Variants in SCARB2 observed in about 807,000 individuals in gnomAD.
SCARB2 encodes the protein lysosome membrane protein 2.
A neutral mutation model predicts 58.6 loss-of-function variants in SCARB2; 29 were observed. That is an observed-to-expected ratio of 0.49 (90% CI 0.37 to 0.67). The LOEUF is 0.67. Among genes scored for constraint, SCARB2 ranks in the 30% least tolerant of loss-of-function variants. SCARB2 has a pLI of 0.00. For missense variants in SCARB2, 488 were observed against 578.5 expected (o/e 0.84, Z 1.60); for synonymous variants, 195 against 210.1 (o/e 0.93, Z 0.62).
intron 2 of SCARB2, chr4:76,194,998 A>C (rs953523065): frequency 1.2e-4 from 19 of 152,118 alleles, no homozygotes; most frequent in African/African-American, 4.6e-4. Context: ...TCTCAGACAA[A>C]AGTAAATTCT....
At chr4:76,180,924 C>A in intron 3 of SCARB2, 30 bp downstream of exon 3, 2 of 1,585,896 alleles carry the variant, frequency 1.3e-6, no homozygotes, top group South Asian at 1.1e-5. Flanking sequence ...TTCCAAAATC[C>A]AACTTAATGG....
At chr4:76,221,793 AC>A (rs1468868931) in intron 1 of SCARB2, among the ~76,000 whole-genome samples, 3 of 152,232 alleles carry the variant, frequency 2.0e-5, no homozygotes, top group Non-Finnish European at 2.9e-5. Flanking sequence ...TTGAAAACCT[AC>A]CTATTGGGTA....
rs1233094134 is a variant in SCARB2, at chr4:76,163,239, CCT to C, written c.1382_1383del (p.Gln461ArgfsTer5). ...CCAGTTCTCACCTCATCCATGGATC[CCT>C]GTCCTTTGCATGCAAGCCAGGTAAA... ...LVFTWLACKG[Q>X]GSMDEGTADE... is the part of the protein sequence containing the mutation. On this transcript the variant is annotated frameshift_variant, in exon 11 of 12. Transcript: ENST00000264896. LOFTEE classifies it high-confidence loss of function. The C allele has an allele frequency of 3.7e-6, 6 of 1,614,148 alleles. No homozygotes were observed. The highest frequency in any genetic ancestry group is 1.3e-5 in the African/African-American group (1 of 75,036).
In SCARB2 at chr4:76,161,255, CT is replaced by C; in HGVS notation, c.*457del. 5.9e-6 allele frequency: 1 copy of C among 170,272 alleles called. No homozygotes were observed. Among genetic ancestry groups the C allele is most frequent in the South Asian group, 1.4e-4 (1 of 7,360 alleles). The allele number at this position is 170,272 out of a possible 1,614,324, so 10.5% of individuals were successfully genotyped here. On this transcript the variant is annotated 3_prime_UTR_variant, in exon 12 of 12. Coordinates refer to ENST00000264896, the MANE Select transcript of SCARB2 (RefSeq NM_005506.4). ...ACCATTTTACCCTGGGTCCCGAACT[CT>C]TATTTACTTCTGTTTTGCAAGTGAA...
intron 8 of SCARB2, among the ~76,000 whole-genome samples, chr4:76,169,341 C>CACACACACACACACACACACAT (rs3217498): frequency 1.5e-4 from 22 of 151,240 alleles, no homozygotes; most frequent in African/African-American, 5.1e-4. Context: ...CACACACACA[C>CACACACACACACACACACACAT]GTGTGTATGT....
intron 7 of SCARB2, among the ~76,000 whole-genome samples, chr4:76,171,264 AGGGCTT>A (rs1732124102): frequency 6.6e-6 from 1 of 152,118 alleles, no homozygotes; most frequent in Admixed American, 6.5e-5. Context: ...AAATCTGTTG[AGGGCTT>A]AATAGGGGCT....
Position 76,179,674 on chromosome 4 carries a change from A to G in SCARB2, c.455T>C (p.Leu152Pro). Reference protein sequence around the residue: ...TVIEWSQVHFLREIIEAMLKA... With the variant: ...TVIEWSQVHFPREIIEAMLKA... ...CAACATGGCCTCGATGATCTCCCTG[A>G]GGAAGTGCACCTGGGACCACTCTAT... The change falls in exon 4 of 12, where the codon CTC (leucine) becomes CCC (proline). Residue 152 changes from leucine to proline, a missense_variant. By Grantham distance (98) the Leu-to-Pro change is moderately conservative (BLOSUM62 -3). Transcript: ENST00000264896. 2.5e-6 allele frequency: 4 copies of G among 1,614,024 alleles called. No individual in the cohort carries two copies. The highest frequency in any genetic ancestry group is 3.4e-6 in the Non-Finnish European group (4 of 1,179,926).
chr4:76,216,172 T>TA (rs990635132), upstream of SCARB2, among the ~76,000 whole-genome samples: 1 of 152,192 alleles, frequency 6.6e-6, no homozygotes, highest in African/African-American at 2.4e-5. Context: ...TCTCTGCTGT[T>TA]AAGTTTCAGT....
At chr4:76,214,286 CA>C (rs1241851071), upstream of SCARB2, 1 of 456,000 alleles carries the variant, frequency 2.2e-6, no homozygotes, top group East Asian at 7.0e-5. Context: ...TGCCAGCAAG[CA>C]TGTTCTGCCT....
At chr4:76,212,058 C>A (rs1733057860) in intron 1 of SCARB2, among the ~76,000 whole-genome samples, 1 of 152,122 alleles carries the variant, frequency 6.6e-6, no homozygotes, top group Non-Finnish European at 1.5e-5. Context: ...GATCACTCAT[C>A]CTATAGGGCT....
At chr4:76,225,820 T>G (rs770402994) in intron 1 of SCARB2, among the ~76,000 whole-genome samples, 4 of 152,228 alleles carry the variant, frequency 2.6e-5, no homozygotes, top group Non-Finnish European at 4.4e-5. Flanking sequence ...TGTTTCCATG[T>G]TCATCAGGGA....
upstream of SCARB2, among the ~76,000 whole-genome samples, chr4:76,218,395 C>T (rs573495337): frequency 4.2e-4 from 64 of 152,318 alleles, no homozygotes; most frequent in East Asian, 7.7e-4. Flanking sequence ...TGCAGATAGG[C>T]TTACATATCC....
At chr4:76,176,555 A>C in intron 4 of SCARB2, 27 bp from the exon 5 acceptor site, 1 of 1,465,548 alleles carries the variant, frequency 6.8e-7, no homozygotes, top group Non-Finnish European at 9.5e-7. Context: ...ATGATCATTT[A>C]AAGTAACTGT....
intron 10 of SCARB2, 179 bp downstream of exon 10, chr4:76,166,071 C>G (rs1732002638): frequency 1.4e-6 from 1 of 708,050 alleles, no homozygotes; most frequent in Non-Finnish European, 2.5e-6. Context: ...TTCTCCAAAT[C>G]AGCTCTCAGA....
rs1731847246 is a variant in SCARB2, at chr4:76,159,419, T to C, written c.*2294A>G. On this transcript the variant is annotated 3_prime_UTR_variant, in exon 12 of 12. Coordinates refer to ENST00000264896, the MANE Select transcript of SCARB2 (RefSeq NM_005506.4). ...AGTATCAAATGTGATTTAAACCAAG[T>C]AACTATTAAGAATCATAAAACAGGC... is the stretch of plus-strand genomic sequence containing the variant. The C allele has an allele frequency of 6.6e-6, 1 of 152,186 alleles. No individual in the cohort carries two copies. The allele number at this position is 152,186 out of a possible 1,614,324, so 9.4% of individuals were successfully genotyped here.
At chr4:76,206,359 G>A (rs939753242) in intron 1 of SCARB2, among the ~76,000 whole-genome samples, 1 of 152,082 alleles carries the variant, frequency 6.6e-6, no homozygotes, top group Non-Finnish European at 1.5e-5. Flanking sequence ...CTTTTCTGCC[G>A]AGACAGCTAC....
At chr4:76,216,697 CTA>C (rs1354480540), upstream of SCARB2, among the ~76,000 whole-genome samples, 1 of 152,202 alleles carries the variant, frequency 6.6e-6, no homozygotes, top group Non-Finnish European at 1.5e-5. Flanking sequence ...TCTGTTTCCA[CTA>C]TGTCAGGCGG....
chr4:76,165,824 T>C (rs1336365650), intron 10 of SCARB2: 16 of 192,750 alleles, frequency 8.3e-5, no homozygotes, highest in Non-Finnish European at 3.2e-5. Context: ...ATAACTACAG[T>C]AAACGTGATA....
At chr4:76,230,066 A>C (rs976039442) in intron 1 of SCARB2, among the ~76,000 whole-genome samples, 1 of 152,252 alleles carries the variant, frequency 6.6e-6, no homozygotes, top group Non-Finnish European at 1.5e-5. Flanking sequence ...TGGGTTTCTC[A>C]GGTAATGGTC....
Sources: gnomAD v4.1 joint callset for allele counts (sites outside exome capture counted in the v4.1 genomes callset) on GRCh38, gnomAD v4.1.1 for gene constraint, MANE v1.5 for transcripts, NCBI Gene and HGNC (gene_info 2026-07-23, HGNC 2026-07-21) for gene names.